Variants in ZNF718 observed in about 807,000 individuals in gnomAD.
The protein encoded by ZNF718 is zinc finger protein 718.
Under a neutral mutation model 2.6 loss-of-function variants are expected in ZNF718, and 3 were observed. That is an observed-to-expected ratio of 1.16 (90% CI 0.53 to 3.01). The LOEUF is 3.01. ZNF718 is among the 30% of genes most tolerant of loss of function. The pLI is 0.03. For missense variants in ZNF718, 468 were observed against 230.0 expected (o/e 2.03, Z -6.69); for synonymous variants, 135 against 77.9 (o/e 1.73, Z -3.86).
chr4:148,383 C>T (rs932137575), intron 3 of ZNF718, among the ~76,000 whole-genome samples: 6 of 151,786 alleles, frequency 4.0e-5, no homozygotes, highest in South Asian at 2.1e-4. Flanking sequence ...CCAAGGTGGG[C>T]GGACCACCTG....
At chr4:178,803 C>G (rs1396979750) in intron 3 of ZNF718, among the ~76,000 whole-genome samples, 1 of 152,130 alleles carries the variant, frequency 6.6e-6, no homozygotes, top group Non-Finnish European at 1.5e-5. Flanking sequence ...TAATTCCTGT[C>G]GAATAGATTA....
chr4:171,444 G>A (rs112083102), intron 3 of ZNF718, among the ~76,000 whole-genome samples: 2 of 152,194 alleles, frequency 1.3e-5, no homozygotes, highest in Admixed American at 1.3e-4. Flanking sequence ...CCCCAGAGGT[G>A]GAGTCTACAG....
intron 3 of ZNF718, among the ~76,000 whole-genome samples, chr4:154,554 A>G (rs919650855): frequency 2.6e-5 from 4 of 152,232 alleles, no homozygotes; most frequent in Non-Finnish European, 5.9e-5. Flanking sequence ...ATGTTTTAGC[A>G]GAAAGACTGG....
At chr4:194,618 A>G (rs544392512) in intron 3 of ZNF718, among the ~76,000 whole-genome samples, 44 of 152,226 alleles carry the variant, frequency 2.9e-4, no homozygotes. Flanking sequence ...CAGTAGCATT[A>G]TATCTCTCCA....
intron 1 of ZNF718, among the ~76,000 whole-genome samples, chr4:126,718 T>C (rs184172458): frequency 8.0e-4 from 122 of 152,366 alleles, no homozygotes; most frequent in East Asian, 4.8e-3. Context: ...TGCAGTCTCT[T>C]AGTAGATTGC....
chr4:184,898 CTCT>C (rs1339396203), intron 3 of ZNF718, among the ~76,000 whole-genome samples: 3 of 151,966 alleles, frequency 2.0e-5, no homozygotes, highest in Admixed American at 1.3e-4. Context: ...TGAATCTTCC[CTCT>C]TCTTTAGTAG....
At chr4:176,059 G>T (rs552667810) in intron 3 of ZNF718, among the ~76,000 whole-genome samples, 1 of 151,996 alleles carries the variant, frequency 6.6e-6, no homozygotes, top group Non-Finnish European at 1.5e-5. Flanking sequence ...GAACTATGCA[G>T]CCTAATGCTC....
At chr4:187,775 C>G (rs1210843640) in intron 3 of ZNF718, among the ~76,000 whole-genome samples, 5 of 151,214 alleles carry the variant, frequency 3.3e-5, no homozygotes, top group African/African-American at 4.9e-5. Context: ...AGCAACTGTA[C>G]TGTGTTGGGG....
intron 1 of ZNF718, among the ~76,000 whole-genome samples, chr4:128,325 T>C (rs1715281680): frequency 9.6e-6 from 1 of 104,028 alleles, no homozygotes; most frequent in South Asian, 3.0e-4. Flanking sequence ...CTGCTACAGC[T>C]GTGTGAGAGG....
chr4:137,499 C>T (rs1553809513), intron 3 of ZNF718, among the ~76,000 whole-genome samples: 4 of 152,128 alleles, frequency 2.6e-5, no homozygotes, highest in Non-Finnish European at 2.9e-5. Context: ...AATTCATCTA[C>T]ATTGTTGACA....
chr4:192,527 A>G (rs1433222725), intron 3 of ZNF718, among the ~76,000 whole-genome samples: 1 of 152,174 alleles, frequency 6.6e-6, no homozygotes, highest in Non-Finnish European at 1.5e-5. Context: ...CAGGAAATCC[A>G]GCTAGTCCTG....
intron 3 of ZNF718, among the ~76,000 whole-genome samples, chr4:155,232 G>C (rs1458743372): frequency 6.6e-6 from 1 of 152,214 alleles, no homozygotes; most frequent in East Asian, 1.9e-4. Context: ...GGAAATGTGG[G>C]GTTGGAGCCC....
intron 1 of ZNF718, among the ~76,000 whole-genome samples, chr4:128,497 CCTT>C (rs1269073275): frequency 9.7e-6 from 1 of 102,832 alleles, no homozygotes; most frequent in African/African-American, 3.4e-5. Flanking sequence ...GTACTTTTGT[CCTT>C]CTTCTTACCT....
chr4:158,170 T>G (rs1553814067), intron 3 of ZNF718, among the ~76,000 whole-genome samples: 1 of 152,168 alleles, frequency 6.6e-6, no homozygotes, highest in African/African-American at 2.4e-5. Flanking sequence ...TCACTTAAGA[T>G]GCACTTTGTG....
At position 124,521 on chromosome 4, in the gene ZNF718, G is replaced by GC. The variant is rs1715100905; in HGVS notation, c.-148dup. ...GGCGCGGCTTTTGCTTGTAGCTCCA[G>GC]CCAGAGCTCGGTTAGGGCCTCATCG... On this transcript the variant is annotated 5_prime_UTR_variant, in exon 1 of 4. Coordinates refer to ENST00000510175, the MANE Select transcript of ZNF718 (RefSeq NM_001039127.6). The GC allele has an allele frequency of 1.8e-6, 2 of 1,120,024 alleles. No individual in the cohort carries two copies. Among genetic ancestry groups the GC allele is most frequent in the African/African-American group, 3.1e-5 (2 of 65,180 alleles). 69.4% of individuals were successfully genotyped at this position (1,120,024 alleles called of 1,614,324 possible). A position where few individuals can be genotyped will look rare whatever the true frequency, so the allele number is the denominator to read the frequency against.
At chr4:134,189 C>T (rs1300624385) in intron 3 of ZNF718, among the ~76,000 whole-genome samples, 2 of 152,122 alleles carry the variant, frequency 1.3e-5, no homozygotes, top group African/African-American at 4.8e-5. Context: ...CGCTGTCACC[C>T]AGGCTGGAGT....
chr4:181,894 C>G (rs1553819875), intron 3 of ZNF718, among the ~76,000 whole-genome samples: 2 of 152,090 alleles, frequency 1.3e-5, no homozygotes, highest in African/African-American at 4.8e-5. Flanking sequence ...TAGCTCCCAC[C>G]TATAAGTGAG....
chr4:172,274 A>G (rs886083102), intron 3 of ZNF718, among the ~76,000 whole-genome samples: 1 of 152,186 alleles, frequency 6.6e-6, no homozygotes, highest in African/African-American at 2.4e-5. Context: ...AAATTTATCC[A>G]TATTGTTTCA....
chr4:169,433 C>T (rs1209745355), intron 3 of ZNF718, among the ~76,000 whole-genome samples: 1 of 152,016 alleles, frequency 6.6e-6, no homozygotes, highest in African/African-American at 2.4e-5. Flanking sequence ...GTTGATCTGT[C>T]TAATATTGAC....
Sources: allele counts gnomAD v4.1 joint callset (sites outside exome capture counted in the v4.1 genomes callset), GRCh38; gene constraint gnomAD v4.1.1; transcripts MANE v1.5; gene names NCBI Gene and HGNC (gene_info 2026-07-23, HGNC 2026-07-21).